Variants in SH3KBP1 observed in about 807,000 individuals in gnomAD.
The protein encoded by SH3KBP1 is SH3 domain containing kinase binding protein 1.
A neutral mutation model predicts 50.1 loss-of-function variants in SH3KBP1; 8 were observed. The observed-to-expected ratio is 0.16, with a 90% CI of 0.09 to 0.29. SH3KBP1 has a LOEUF of 0.29. SH3KBP1 is among the 10% of genes least tolerant of loss of function. The pLI, the probability that SH3KBP1 is intolerant of heterozygous loss-of-function variation, is 1.00. For synonymous variants in SH3KBP1, 227 were observed against 218.6 expected, an observed-to-expected ratio of 1.04 and a Z score of -0.34; for missense variants, 377 against 535.2, an observed-to-expected ratio of 0.70 and a Z score of 2.92.
rs754418627 is a variant in SH3KBP1, at chrX:19,600,386, TA to T, written c.1006-5387del. 1.2e-3 allele frequency among the ~76,000 whole-genome samples: 125 copies of T among 103,324 alleles called. 1 individual carries two copies. Among genetic ancestry groups the T allele is most frequent in the Non-Finnish European group, 2.1e-3 (106 of 50,183 alleles). 89.7% of individuals were successfully genotyped at this position (103,324 alleles called of 115,157 possible). ...GCAACAGAGGGAAACCCTGTCTCAG[TA>T]AAAAAAAAAATGAAACAAATTAAAA... is the stretch of plus-strand genomic sequence containing the variant. On this transcript the variant is annotated intron_variant, in intron 9 of 17. Coordinates refer to ENST00000397821, the MANE Select transcript of SH3KBP1 (RefSeq NM_031892.3).
chrX:19,558,914 T>C (rs1602466491), intron 13 of SH3KBP1, among the ~76,000 whole-genome samples: 1 of 111,413 alleles, frequency 9.0e-6, no homozygotes, highest in Non-Finnish European at 1.9e-5. Flanking sequence ...TGGTATCAAC[T>C]CTCTATTTTT....
chrX:19,863,099 C>T (rs1450737552), intron 1 of SH3KBP1, among the ~76,000 whole-genome samples: 3 of 112,508 alleles, frequency 2.7e-5, no homozygotes. Context: ...AATCCCGGCA[C>T]TGGAATACAG....
chrX:19,614,023 A>G (rs1271486166), intron 8 of SH3KBP1, among the ~76,000 whole-genome samples: 2 of 113,007 alleles, frequency 1.8e-5, no homozygotes, highest in Non-Finnish European at 3.7e-5. Flanking sequence ...GAGCTGCTTA[A>G]TTACACTCAT....
At chrX:19,616,323 A>C (rs1036035767) in intron 8 of SH3KBP1, among the ~76,000 whole-genome samples, 6 of 111,891 alleles carry the variant, frequency 5.4e-5, no homozygotes, top group African/African-American at 2.0e-4. Context: ...CTACTTACAA[A>C]AAATCCTGGC....
intron 13 of SH3KBP1, among the ~76,000 whole-genome samples, chrX:19,559,940 T>C (rs2086834831): frequency 9.0e-6 from 1 of 111,111 alleles, no homozygotes; most frequent in Non-Finnish European, 1.9e-5. Context: ...GTTAAAAAAA[T>C]CAAAATAATT....
intron 8 of SH3KBP1, among the ~76,000 whole-genome samples, chrX:19,622,375 A>G (rs754960485): frequency 1.1e-4 from 12 of 112,404 alleles, no homozygotes; most frequent in Non-Finnish European, 1.9e-4. Flanking sequence ...CTGTGAGGAG[A>G]CTAAATTGGC....
rs947809465 is a variant in SH3KBP1, at chrX:19,796,815, C to T, written c.162+39310G>A. ...ACAGAGGGTTATCCCAGACACCAGC[C>T]AGGGGCTGGCCAAGACAGAGAAATA... On this transcript the variant is annotated intron_variant, in intron 2 of 17. Transcript: ENST00000397821. Among the ~76,000 whole-genome samples, 4 of 112,065 alleles carry T rather than the reference C, an allele frequency of 3.6e-5. No homozygotes were observed. The Admixed American group carries it at 3.8e-4, about 11-fold the overall frequency.
At chrX:19,788,080 T>G (rs1302172535) in intron 2 of SH3KBP1, among the ~76,000 whole-genome samples, 1 of 110,139 alleles carries the variant, frequency 9.1e-6, no homozygotes, top group Non-Finnish European at 1.9e-5. Flanking sequence ...TGAGTGGCGC[T>G]AATCCAATAT....
intron 1 of SH3KBP1, among the ~76,000 whole-genome samples, chrX:19,861,552 G>A (rs893948165): frequency 1.8e-5 from 2 of 111,604 alleles, no homozygotes; most frequent in Admixed American, 1.9e-4. Flanking sequence ...AGGCACTTTT[G>A]CAAGTGATGA....
At chrX:19,792,273 C>T (rs1395835036) in intron 2 of SH3KBP1, among the ~76,000 whole-genome samples, 2 of 111,436 alleles carry the variant, frequency 1.8e-5, no homozygotes, top group Non-Finnish European at 3.8e-5. Flanking sequence ...TGGTATGGCT[C>T]TATTTGGAAA....
intron 3 of SH3KBP1, among the ~76,000 whole-genome samples, chrX:19,738,751 C>T (rs938712776): frequency 6.6e-5 from 7 of 106,675 alleles, no homozygotes; most frequent in Non-Finnish European, 1.2e-4. Context: ...TGGCTCACGC[C>T]TGTAATCCCA....
intron 6 of SH3KBP1, among the ~76,000 whole-genome samples, chrX:19,677,669 G>C (rs921634256): frequency 4.2e-4 from 47 of 112,377 alleles, no homozygotes; most frequent in African/African-American, 1.4e-3. Flanking sequence ...AGTTGCCGAA[G>C]GCACAATCTT....
At chrX:19,797,681 T>C (rs1024203930) in intron 2 of SH3KBP1, among the ~76,000 whole-genome samples, 3 of 111,259 alleles carry the variant, frequency 2.7e-5, no homozygotes, top group Non-Finnish European at 3.8e-5. Flanking sequence ...GTGTCAGAGA[T>C]CACTGATACA....
intron 1 of SH3KBP1, among the ~76,000 whole-genome samples, chrX:19,883,229 G>A (rs1042681930): frequency 8.9e-6 from 1 of 112,459 alleles, no homozygotes; most frequent in Non-Finnish European, 1.9e-5. Context: ...TATCTCTAAC[G>A]GGTTGCAGGG....
At chrX:19,609,489 G>T (rs751905290) in intron 8 of SH3KBP1, among the ~76,000 whole-genome samples, 1 of 111,678 alleles carries the variant, frequency 9.0e-6, no homozygotes, top group African/African-American at 3.3e-5. Context: ...ATGAGAAAAG[G>T]CTTTCCAAAA....
chrX:19,760,397 AATACATACATACATACATACATAC>A (rs545437176), intron 2 of SH3KBP1, among the ~76,000 whole-genome samples: 2 of 96,639 alleles, frequency 2.1e-5, no homozygotes, highest in Middle Eastern at 4.8e-3. Context: ...AAAATAAATA[AATACATACATACATACATACATAC>A]ATACATACAT....
At chrX:19,702,310 C>G (rs760757900) in intron 4 of SH3KBP1, among the ~76,000 whole-genome samples, 1 of 111,677 alleles carries the variant, frequency 9.0e-6, no homozygotes, top group Non-Finnish European at 1.9e-5. Context: ...AGTTGTCTGA[C>G]TGATTTAAAG....
At chrX:19,698,766 C>T (rs1466274635) in intron 4 of SH3KBP1, among the ~76,000 whole-genome samples, 1 of 112,022 alleles carries the variant, frequency 8.9e-6, no homozygotes, top group Non-Finnish European at 1.9e-5. Flanking sequence ...CACTATCCCT[C>T]TTCAGAGATA....
At chrX:19,610,265 CT>C (rs1297400210) in intron 8 of SH3KBP1, among the ~76,000 whole-genome samples, 3 of 111,951 alleles carry the variant, frequency 2.7e-5, no homozygotes, top group African/African-American at 6.5e-5. Context: ...ACATCACCCC[CT>C]GAATACTAGC....
Sources: allele counts gnomAD v4.1 joint callset (sites outside exome capture counted in the v4.1 genomes callset), GRCh38; gene constraint gnomAD v4.1.1; transcripts MANE v1.5; gene names NCBI Gene and HGNC (gene_info 2026-07-23, HGNC 2026-07-21).